CSMD2: variants seen among roughly 807,000 people sequenced by gnomAD.
CSMD2 encodes CUB and sushi domain-containing protein 2.
Under a neutral mutation model 398.5 loss-of-function variants are expected in CSMD2, and 130 were observed. The ratio of observed to expected loss-of-function variants is 0.33; its 90% CI spans 0.28 to 0.38. The LOEUF (loss-of-function observed/expected upper bound fraction) is 0.38, where lower values mean the gene tolerates loss of function less well. Ranked by LOEUF, CSMD2 falls within the 10% of genes least tolerant of loss-of-function variation. The pLI, the probability that CSMD2 is intolerant of heterozygous loss-of-function variation, is 1.00. For synonymous variants in CSMD2, 1,828 were observed against 1,908.5 expected (o/e 0.96, Z 1.10); for missense variants, 3,829 against 4,764.9 (o/e 0.80, Z 5.78).
In CSMD2 at chr1:33,624,483, G is replaced by A. The variant is rs1483839323; in HGVS notation, c.5625+36C>T. 4 of 1,608,422 alleles carry A rather than the reference G, an allele frequency of 2.5e-6. No individual in the cohort carries two copies. The highest frequency in any genetic ancestry group is 3.4e-6 in the Non-Finnish European group (4 of 1,176,910). On this transcript the variant is annotated intron_variant, in intron 35 of 70. Coordinates refer to ENST00000373381, the MANE Select transcript of CSMD2 (RefSeq NM_001281956.2). This position sits in a 1 kb window ranked among gnomAD's most constrained non-coding sequence, Gnocchi z 4.7. ...GTGAGCTGTTACCTGGGAGCAGACG[G>A]CCACCTGCCCGACCGAGGCGCCCCC...
intron 16 of CSMD2, among the ~76,000 whole-genome samples, 153 bp from the exon 17 acceptor site, chr1:33,725,689 C>A (rs1646506507): frequency 6.6e-6 from 1 of 152,156 alleles, no homozygotes; most frequent in African/African-American, 2.4e-5. Context: ...ACTAGCGATG[C>A]AGAAGGACCT....
At position 33,622,704 on chromosome 1, in the gene CSMD2, CTA is replaced by C. The variant is rs539497636; in HGVS notation, c.5723-435_5723-434del. Among the ~76,000 whole-genome samples the C allele has an allele frequency of 9.8e-5, 15 of 152,332 alleles. No homozygotes were observed. The East Asian group carries it at 1.2e-3, about 12-fold the overall frequency. On this transcript the variant is annotated intron_variant, in intron 36 of 70. Transcript: ENST00000373381. The stretch of plus-strand genomic sequence containing the variant: ...TAATTGCCCTGGCCACTGGGCACAC[CTA>C]TACACCACACTCAGTCAGAAGTCCA...
intron 10 of CSMD2, among the ~76,000 whole-genome samples, chr1:33,797,530 G>A (rs1398401066): frequency 1.3e-5 from 2 of 152,194 alleles, no homozygotes; most frequent in Non-Finnish European, 2.9e-5. Context: ...ACTCCCACCA[G>A]GCAGGCAGTC....
intron 70 of CSMD2, among the ~76,000 whole-genome samples, chr1:33,516,992 G>A (rs899642535): frequency 6.6e-6 from 1 of 151,978 alleles, no homozygotes; most frequent in Non-Finnish European, 1.5e-5. Context: ...ACACAGTTGT[G>A]AAATCTCATT....
chr1:33,720,056 T>C (rs985923596), intron 19 of CSMD2, among the ~76,000 whole-genome samples: 27 of 152,326 alleles, frequency 1.8e-4, no homozygotes, highest in African/African-American at 6.5e-4. Context: ...TCCTGAGCCA[T>C]ACTGCTGCCT....
chr1:33,758,593 G>A (rs76566118), intron 13 of CSMD2, among the ~76,000 whole-genome samples: 2,917 of 152,320 alleles, frequency 0.019, 37 homozygotes, highest in South Asian at 0.031. Flanking sequence ...AGTTTAGTGA[G>A]GGTGCCAGAT....
intron 13 of CSMD2, among the ~76,000 whole-genome samples, chr1:33,768,725 C>G (rs1230476072): frequency 2.0e-4 from 30 of 152,098 alleles, no homozygotes; most frequent in Non-Finnish European, 1.5e-5. Flanking sequence ...TCTCCAAAAG[C>G]CCAGCTCAAG....
chr1:33,623,550 AG>A, intron 35 of CSMD2, 84 bp from the exon 36 acceptor site: 1 of 938,896 alleles, frequency 1.1e-6, no homozygotes, highest in Non-Finnish European at 1.7e-6. Flanking sequence ...CCCTTCCCGT[AG>A]TTAATTCAAT....
At position 33,577,456 on chromosome 1, in the gene CSMD2, T is replaced by C; in HGVS notation, c.7416A>G (p.Pro2472=). The C allele has an allele frequency of 6.2e-7, 1 of 1,612,736 alleles. No homozygotes were observed. ...TCTGGCCTAGGATGAAGCCATGGAG[T>C]GGAGCCCTGGGCAGGCTGCAGTAAG... ...SAPYCSLPRA[P]LHGFILGQTS... The change falls in exon 49 of 71, where the codon CCA becomes CCG. Residue 2472 remains proline, a synonymous_variant. Coordinates refer to ENST00000373381, the MANE Select transcript of CSMD2 (RefSeq NM_001281956.2).
chr1:33,602,569 G>C, intron 42 of CSMD2, 23 bp from the exon 43 acceptor site: 1 of 1,562,404 alleles, frequency 6.4e-7, no homozygotes, highest in Non-Finnish European at 8.7e-7. Flanking sequence ...GAACACAAAC[G>C]TAAGTGCAGG....
chr1:33,542,572 C>T (rs1188847849), intron 58 of CSMD2, 148 bp downstream of exon 58: 1 of 656,996 alleles, frequency 1.5e-6, no homozygotes, highest in South Asian at 2.2e-5. Context: ...AGCATATGCT[C>T]AACAGAGGCT....
At chr1:34,063,157 A>C (rs1654714011) in intron 2 of CSMD2, among the ~76,000 whole-genome samples, 1 of 152,174 alleles carries the variant, frequency 6.6e-6, no homozygotes, top group Non-Finnish European at 1.5e-5. Flanking sequence ...TGGGAGTACA[A>C]TTCAAGTTGA....
At chr1:33,995,860 T>C (rs746901972) in intron 3 of CSMD2, among the ~76,000 whole-genome samples, 7 of 152,242 alleles carry the variant, frequency 4.6e-5, no homozygotes, top group Non-Finnish European at 7.3e-5. Context: ...TCTGTTGATA[T>C]GCACCTGATG....
intron 1 of CSMD2, among the ~76,000 whole-genome samples, chr1:34,137,741 T>C (rs772908954): frequency 4.6e-5 from 7 of 152,218 alleles, no homozygotes; most frequent in African/African-American, 1.4e-4. Flanking sequence ...GAACCTAACA[T>C]GTAATAGACA....
At chr1:33,866,675 T>C (rs1640060105) in intron 5 of CSMD2, among the ~76,000 whole-genome samples, 1 of 152,162 alleles carries the variant, frequency 6.6e-6, no homozygotes, top group South Asian at 2.1e-4. Flanking sequence ...CGGAGAGCTA[T>C]CCCCCTCCTG....
intron 4 of CSMD2, among the ~76,000 whole-genome samples, chr1:33,925,321 G>A (rs1644089565): frequency 1.3e-5 from 2 of 152,078 alleles, no homozygotes; most frequent in Admixed American, 1.3e-4. Flanking sequence ...CCTAATGCAT[G>A]TTCTTGGTGC....
At chr1:33,976,525 G>C (rs1054101142) in intron 3 of CSMD2, among the ~76,000 whole-genome samples, 1 of 152,122 alleles carries the variant, frequency 6.6e-6, no homozygotes, top group African/African-American at 2.4e-5. Context: ...GAGGTTCACG[G>C]AATCTACTCC....
At chr1:34,084,707 G>A (rs528005836) in intron 2 of CSMD2, among the ~76,000 whole-genome samples, 49 of 151,900 alleles carry the variant, frequency 3.2e-4, no homozygotes, top group South Asian at 1.3e-3. Flanking sequence ...TTAGAATGGC[G>A]ATCATTAAAA....
intron 2 of CSMD2, among the ~76,000 whole-genome samples, chr1:34,071,325 T>G (rs1011234471): frequency 2.0e-5 from 3 of 152,256 alleles, no homozygotes; most frequent in African/African-American, 7.2e-5. Flanking sequence ...CTGTCTACAG[T>G]GTCTTTACCA....
Sources: allele counts gnomAD v4.1 joint callset (sites outside exome capture counted in the v4.1 genomes callset), GRCh38; gene constraint gnomAD v4.1.1; non-coding constraint Gnocchi (gnomAD v3.1); transcripts MANE v1.5; gene names NCBI Gene and HGNC (gene_info 2026-07-23, HGNC 2026-07-21).